PARD3B: variants seen among roughly 807,000 people sequenced by gnomAD.
PARD3B encodes par-3 family cell polarity regulator beta.
PARD3B carries 103 observed loss-of-function variants against 130.2 expected under a neutral mutation model. The ratio of observed to expected loss-of-function variants is 0.79; its 90% CI spans 0.67 to 0.93. The LOEUF is 0.93. Ranked by LOEUF, PARD3B falls within the 40% of genes least tolerant of loss-of-function variation. The probability of loss-of-function intolerance (pLI) is 0.00; values close to 1 mark genes in which losing one functional copy is unlikely to be tolerated. For missense variants in PARD3B, 1,609 were observed against 1,499.2 expected (o/e 1.07, Z -1.21); for synonymous variants, 583 against 553.2 (o/e 1.05, Z -0.76).
At position 205,183,730 on chromosome 2, in the gene PARD3B, TTGTGTGTGTGTG is replaced by T. The variant is rs71410805; in HGVS notation, c.1925-2001_1925-1990del. On this transcript the variant is annotated intron_variant, in intron 13 of 22. Transcript: ENST00000406610. This position sits in a 1 kb window ranked among gnomAD's most constrained non-coding sequence, Gnocchi z 5.2. The stretch of plus-strand genomic sequence containing the variant: ...GGTTCTGCAGAGAAACAGAACCAAG[TTGTGTGTGTGTG>T]TGTGTGTGTGTGTGTGTGTGTGTGT... Among the ~76,000 whole-genome samples, 467 of 138,250 alleles carry T rather than the reference TTGTGTGTGTGTG, an allele frequency of 3.4e-3. 2 individuals are homozygous for T. The highest frequency in any genetic ancestry group is 0.011 in the Middle Eastern group (3 of 262). 90.7% of individuals were successfully genotyped at this position (138,250 alleles called of 152,430 possible).
In PARD3B at chr2:205,322,687, C is replaced by T. The variant is rs115916036; in HGVS notation, c.2630+20986C>T. ...AATATGAAGGAGTAGTAACGTTCTA[C>T]AGAATCCTTTTCTTCCTTCTCTGTG... On this transcript the variant is annotated intron_variant, in intron 18 of 22. Transcript: ENST00000406610. Among the ~76,000 whole-genome samples the T allele has an allele frequency of 8.2e-3, 1,255 of 152,126 alleles. 8 individuals carry two copies. The highest frequency in any genetic ancestry group is 0.024 in the Middle Eastern group (7 of 294).
In PARD3B at chr2:204,760,407, T is replaced by C. The variant is rs73986207; in HGVS notation, c.222+74125T>C. Among the ~76,000 whole-genome samples, 1,285 of 152,196 alleles carry C rather than the reference T, an allele frequency of 8.4e-3. 11 individuals are homozygous for C. The highest frequency in any genetic ancestry group is 0.028 in the African/African-American group (1,151 of 41,564). On this transcript the variant is annotated intron_variant, in intron 2 of 22. Transcript: ENST00000406610. ...AAAGCTTAACATATGTAGTATAATA[T>C]TTCATAAAGTCAGAAGAAATTATAG...
At chr2:204,817,190 G>C (rs1297584607) in intron 2 of PARD3B, among the ~76,000 whole-genome samples, 1 of 151,012 alleles carries the variant, frequency 6.6e-6, no homozygotes, top group South Asian at 2.1e-4. Context: ...TTCTGCGTCA[G>C]TTTTGATTGA....
At chr2:204,674,754 G>T (rs990414770) in intron 1 of PARD3B, among the ~76,000 whole-genome samples, 3 of 152,110 alleles carry the variant, frequency 2.0e-5, no homozygotes, top group African/African-American at 7.2e-5. Flanking sequence ...CCTGTAAAAT[G>T]CTTTAAACCT....
chr2:205,605,487 T>C (rs12989975), intron 22 of PARD3B, among the ~76,000 whole-genome samples: 1 of 152,242 alleles, frequency 6.6e-6, no homozygotes, highest in South Asian at 2.1e-4. Flanking sequence ...GTTTTTTGTT[T>C]GTTTGTTTGT....
chr2:204,849,632 C>G (rs934209355), intron 2 of PARD3B, among the ~76,000 whole-genome samples: 12 of 152,148 alleles, frequency 7.9e-5, no homozygotes, highest in Admixed American at 7.9e-4. Context: ...ATACATTAGG[C>G]CTTCATGGGC....
At chr2:204,935,147 T>A (rs1234867103) in intron 2 of PARD3B, among the ~76,000 whole-genome samples, 1 of 43,620 alleles carries the variant, frequency 2.3e-5, no homozygotes, top group Non-Finnish European at 7.5e-5. Context: ...TTTTCCCTAC[T>A]TTTTTTTTTT....
chr2:204,706,233 G>A (rs1336853968), intron 2 of PARD3B, among the ~76,000 whole-genome samples: 6 of 152,136 alleles, frequency 3.9e-5, no homozygotes, highest in Admixed American at 2.0e-4. Flanking sequence ...CGGGCATGGT[G>A]GCAGGTGCCT....
At chr2:205,254,774 C>T (rs1364690868) in intron 16 of PARD3B, among the ~76,000 whole-genome samples, 2 of 151,214 alleles carry the variant, frequency 1.3e-5, no homozygotes, top group Non-Finnish European at 3.0e-5. Flanking sequence ...ACGCCATTCT[C>T]CTGCCTCAGC....
chr2:204,639,535 C>CT (rs1349374310), intron 1 of PARD3B, among the ~76,000 whole-genome samples: 1 of 152,124 alleles, frequency 6.6e-6, no homozygotes, highest in Non-Finnish European at 1.5e-5. Context: ...ACAGTGCAGA[C>CT]TTTTTTCTTG....
At chr2:204,893,386 G>A (rs961399667) in intron 2 of PARD3B, among the ~76,000 whole-genome samples, 22 of 152,164 alleles carry the variant, frequency 1.4e-4, no homozygotes, top group African/African-American at 5.1e-4. Context: ...AGTGCTTGGA[G>A]GAGAATATAG....
At chr2:205,417,052 T>C (rs1036316692) in intron 19 of PARD3B, among the ~76,000 whole-genome samples, 11 of 150,520 alleles carry the variant, frequency 7.3e-5, no homozygotes, top group Non-Finnish European at 1.5e-4. Context: ...TTACATTAGG[T>C]GTATCTCCTA....
intron 2 of PARD3B, among the ~76,000 whole-genome samples, chr2:204,847,190 G>A (rs1387517665): frequency 1.5e-5 from 2 of 130,296 alleles, no homozygotes; most frequent in Non-Finnish European, 1.6e-5. Context: ...TTTTTGCTAA[G>A]CATTGTTTAT....
intron 2 of PARD3B, among the ~76,000 whole-genome samples, chr2:204,820,749 G>A (rs918612179): frequency 2.0e-5 from 3 of 151,962 alleles, no homozygotes; most frequent in African/African-American, 4.8e-5. Context: ...TCAGGAGGCA[G>A]GGGTTTCACT....
chr2:205,275,569 G>A (rs535463815), intron 16 of PARD3B, among the ~76,000 whole-genome samples: 1 of 152,144 alleles, frequency 6.6e-6, no homozygotes, highest in South Asian at 2.1e-4. Context: ...GCAGGGTGTG[G>A]TGGCTCACAC....
chr2:205,162,091 G>T (rs1455189691), intron 11 of PARD3B, among the ~76,000 whole-genome samples: 1 of 152,022 alleles, frequency 6.6e-6, no homozygotes, highest in Non-Finnish European at 1.5e-5. Flanking sequence ...TCTCTTGTTT[G>T]AATTATTTCT....
At chr2:205,340,447 A>G (rs2043481311) in intron 18 of PARD3B, among the ~76,000 whole-genome samples, 1 of 152,120 alleles carries the variant, frequency 6.6e-6, no homozygotes, top group South Asian at 2.1e-4. Flanking sequence ...AAATGAGTTC[A>G]TATATTTACA....
intron 1 of PARD3B, among the ~76,000 whole-genome samples, chr2:204,560,990 CTG>C (rs2031273118): frequency 6.6e-6 from 1 of 151,210 alleles, no homozygotes; most frequent in South Asian, 2.1e-4. Flanking sequence ...GGCGCAGTCT[CTG>C]AGACATTTCA....
At chr2:204,619,123 G>T (rs755159485) in intron 1 of PARD3B, among the ~76,000 whole-genome samples, 2 of 152,070 alleles carry the variant, frequency 1.3e-5, no homozygotes, top group Non-Finnish European at 2.9e-5. Context: ...TTTTTAGTCC[G>T]TTGTGCTAGA....
Sources: allele counts gnomAD v4.1 joint callset (sites outside exome capture counted in the v4.1 genomes callset), GRCh38; gene constraint gnomAD v4.1.1; non-coding constraint Gnocchi (gnomAD v3.1); transcripts MANE v1.5; gene names NCBI Gene and HGNC (gene_info 2026-07-23, HGNC 2026-07-21).